OTUD3: variants seen among roughly 807,000 people sequenced by gnomAD.
OTUD3 encodes the protein OTU deubiquitinase 3, also known as OTU domain-containing protein 3.
Under a neutral mutation model 46.2 loss-of-function variants are expected in OTUD3, and 24 were observed. That is an observed-to-expected ratio of 0.52 (90% CI 0.38 to 0.73). The LOEUF (loss-of-function observed/expected upper bound fraction) is 0.73, where lower values mean the gene tolerates loss of function less well. Ranked by LOEUF, OTUD3 falls within the 30% of genes least tolerant of loss-of-function variation. The pLI, the probability that OTUD3 is intolerant of heterozygous loss-of-function variation, is 0.00. For synonymous variants in OTUD3, 189 were observed against 195.4 expected, an observed-to-expected ratio of 0.97 and a Z score of 0.27; for missense variants, 455 against 523.3, an observed-to-expected ratio of 0.87 and a Z score of 1.27.
chr1:19,897,445 T>C, intron 3 of OTUD3, 95 bp from the exon 4 acceptor site: 1 of 1,328,202 alleles, frequency 7.5e-7, no homozygotes, highest in East Asian at 2.4e-5. Context: ...ATAGACCTGC[T>C]GACTGGGCTT....
intron 2 of OTUD3, among the ~76,000 whole-genome samples, chr1:19,893,918 C>T (rs2045483868): frequency 6.6e-6 from 1 of 152,234 alleles, no homozygotes; most frequent in Non-Finnish European, 1.5e-5. Flanking sequence ...CACTGTGTAC[C>T]AGCTCTTTGA....
At chr1:19,898,917 C>A (rs2045552886) in intron 4 of OTUD3, among the ~76,000 whole-genome samples, 1 of 152,118 alleles carries the variant, frequency 6.6e-6, no homozygotes, top group African/African-American at 2.4e-5. Context: ...CTCCAGCGAT[C>A]TTCCCACCTT....
rs199687893 is a variant in OTUD3, at chr1:19,907,570, G to A, written c.1021G>A (p.Val341Ile). The A allele has an allele frequency of 1.6e-5, 26 of 1,613,840 alleles. No individual in the cohort carries two copies. In the Middle Eastern group the frequency reaches 5.0e-4, roughly 31 times the overall value. ...NKANKNQLAK[V>I]TNKQRREQQW... ...TCACCACCATGGCCTTCTCTCTCAGGTCACAAACAAACAGAGGCGAGAACA... is the reference window on the plus strand; with the variant it reads ...TCACCACCATGGCCTTCTCTCTCAGATCACAAACAAACAGAGGCGAGAACA... The change falls in exon 8 of 8, where the codon GTC becomes ATC. Residue 341 changes from valine to isoleucine, a missense_variant and splice_region_variant. Val to Ile is a conservative substitution (Grantham distance 29, BLOSUM62 3). Coordinates refer to ENST00000375120, the MANE Select transcript of OTUD3 (RefSeq NM_015207.2).
chr1:19,906,555 A>AC lies in OTUD3; in HGVS notation c.960dup (p.Asn321GlnfsTer2), dbSNP rs771244076. The AC allele has an allele frequency of 6.2e-7, 1 of 1,613,810 alleles. No homozygotes were observed. Among genetic ancestry groups the AC allele is most frequent in the Non-Finnish European group, 8.5e-7 (1 of 1,180,026 alleles). On this transcript the variant is annotated frameshift_variant, in exon 7 of 8. Transcript: ENST00000375120. LOFTEE classifies it high-confidence loss of function. ...GGCTTAAATGAAGGCAGGACCGAAA[A>AC]CAATAAGGCACAGGCCAGCCCTAGT...
intron 1 of OTUD3, among the ~76,000 whole-genome samples, chr1:19,889,303 A>C (rs77287853): frequency 1.3e-5 from 2 of 151,974 alleles, no homozygotes; most frequent in African/African-American, 4.8e-5. Flanking sequence ...AAAAAAAAAA[A>C]GTATATATTC....
At chr1:19,894,255 T>G in intron 2 of OTUD3, 113 bp from the exon 3 acceptor site, 1 of 591,928 alleles carries the variant, frequency 1.7e-6, no homozygotes, top group East Asian at 2.8e-5. Context: ...AATGGACTTC[T>G]CAGATATATA....
intron 2 of OTUD3, 53 bp from the exon 3 acceptor site, chr1:19,894,315 A>G (rs2045487909): frequency 1.0e-6 from 1 of 991,352 alleles, no homozygotes; most frequent in Non-Finnish European, 1.6e-6. Flanking sequence ...GCATGTTTGC[A>G]TTTAGATTTT....
chr1:19,882,479 T>A lies in OTUD3; in HGVS notation c.-35T>A. ...GCGGACGCTGGGGGGTCCTGCGCCT[T>A]TCCCTCCTGCCGCTGGGGACTGCAG... On this transcript the variant is annotated 5_prime_UTR_variant, in exon 1 of 8. Transcript: ENST00000375120. 2 of 1,344,670 alleles carry A rather than the reference T, an allele frequency of 1.5e-6. No homozygotes were observed. The highest frequency in any genetic ancestry group is 1.9e-6 in the Non-Finnish European group (2 of 1,053,466). 83.3% of individuals were successfully genotyped at this position (1,344,670 alleles called of 1,614,324 possible).
rs2045712992 is a variant in OTUD3 at position 19,909,921 on chromosome 1, C to CTAAAT, written c.*2177_*2178insAATTA. The CTAAAT allele has an allele frequency of 1.3e-5, 2 of 152,358 alleles. No individual in the cohort carries two copies. Among genetic ancestry groups the CTAAAT allele is most frequent in the Non-Finnish European group, 2.9e-5 (2 of 68,040 alleles). The allele number at this position is 152,358 out of a possible 1,614,324, so 9.4% of individuals were successfully genotyped here. ...TAATCAAACGGCTTTAGTAATTTTA[C>CTAAAT]TACTGGTTTCACAGCTTTTCAGTTA... is the stretch of plus-strand genomic sequence containing the variant. On this transcript the variant is annotated 3_prime_UTR_variant, in exon 8 of 8. Transcript: ENST00000375120.
chr1:19,906,522 G>A lies in OTUD3; in HGVS notation c.926G>A (p.Gly309Glu), dbSNP rs776138793. The change falls in exon 7 of 8, where the codon GGA becomes GAA. Residue 309 changes from glycine to glutamate, a missense_variant. By Grantham distance (98) the Gly-to-Glu change is moderately conservative (BLOSUM62 -2). Coordinates refer to ENST00000375120, the MANE Select transcript of OTUD3 (RefSeq NM_015207.2). Reference protein sequence around the residue: ...EEGGSGARIFGNQGLNEGRTE... With the variant: ...EEGGSGARIFENQGLNEGRTE... ...GGTGGCAGTGGTGCCAGAATCTTTGGAAATCAGGGCTTAAATGAAGGCAGG... is the reference window on the plus strand; with the variant it reads ...GGTGGCAGTGGTGCCAGAATCTTTGAAAATCAGGGCTTAAATGAAGGCAGG... 4 of 1,613,880 alleles carry A rather than the reference G, an allele frequency of 2.5e-6. No individual in the cohort carries two copies. Among genetic ancestry groups the A allele is most frequent in the Non-Finnish European group, 3.4e-6 (4 of 1,180,010 alleles).
chr1:19,890,694 C>G (rs1410146751), intron 2 of OTUD3, among the ~76,000 whole-genome samples, 161 bp downstream of exon 2: 1 of 152,100 alleles, frequency 6.6e-6, no homozygotes, highest in Non-Finnish European at 1.5e-5. Flanking sequence ...CGGCAGTATG[C>G]TAGGTAGTTG....
In OTUD3 at chr1:19,906,501, G is replaced by A. The variant is rs1223630841; in HGVS notation, c.905G>A (p.Gly302Asp). The A allele has an allele frequency of 1.2e-6, 2 of 1,614,092 alleles. No homozygotes were observed. The highest frequency in any genetic ancestry group is 3.3e-5 in the Admixed American group (2 of 60,014). ...TGTGGCCCTTTGTGGGAGGAGGGTG[G>A]CAGTGGTGCCAGAATCTTTGGAAAT... is the stretch of plus-strand genomic sequence containing the variant. Reference protein sequence around the residue: ...KQCGPLWEEGGSGARIFGNQG... With the variant: ...KQCGPLWEEGDSGARIFGNQG... The change falls in exon 7 of 8, where the codon GGC becomes GAC. Residue 302 changes from glycine to aspartate, a missense_variant. Gly to Asp is a moderately conservative substitution (Grantham distance 94). Coordinates refer to ENST00000375120, the MANE Select transcript of OTUD3 (RefSeq NM_015207.2).
Position 19,907,823 on chromosome 1 carries a change from C to A in OTUD3, c.*77C>A. 1 of 1,419,182 alleles carries A rather than the reference C, an allele frequency of 7.0e-7. No individual in the cohort carries two copies. Among genetic ancestry groups the A allele is most frequent in the Non-Finnish European group, 9.7e-7 (1 of 1,032,642 alleles). 87.9% of individuals were successfully genotyped at this position (1,419,182 alleles called of 1,614,324 possible). On this transcript the variant is annotated 3_prime_UTR_variant, in exon 8 of 8. Coordinates refer to ENST00000375120, the MANE Select transcript of OTUD3 (RefSeq NM_015207.2). ...TGCTAGACTTTCCAGTGAGGCCGTC[C>A]TTTTATAAAACGCAACACAACCAAC... is the stretch of plus-strand genomic sequence containing the variant.
At position 19,907,679 on chromosome 1, in the gene OTUD3, A is replaced by G. The variant is rs1183786718; in HGVS notation, c.1130A>G (p.Asn377Ser). 2 of 1,614,210 alleles carry G rather than the reference A, an allele frequency of 1.2e-6. No homozygotes were observed. Among genetic ancestry groups the G allele is most frequent in the Non-Finnish European group, 1.7e-6 (2 of 1,180,044 alleles). Residue 377 changes from asparagine to serine, a missense_variant, in exon 8 of 8, where the codon AAC (asparagine) becomes AGC (serine). Physicochemically the swap from Asn to Ser is conservative, Grantham distance 46 (BLOSUM62 1). Transcript: ENST00000375120. Reference protein sequence around the residue: ...LESRGSHRDNNRSEAEANTQV... With the variant: ...LESRGSHRDNSRSEAEANTQV... ...AGCAGAGGTAGCCACAGGGACAATAACAGAAGCGAAGCAGAGGCGAACACG... is the reference window on the plus strand; with the variant it reads ...AGCAGAGGTAGCCACAGGGACAATAGCAGAAGCGAAGCAGAGGCGAACACG...
intron 1 of OTUD3, among the ~76,000 whole-genome samples, chr1:19,882,983 G>A (rs1461320281): frequency 6.6e-6 from 1 of 152,260 alleles, no homozygotes; most frequent in African/African-American, 2.4e-5. Context: ...TAGAAAGTGG[G>A]TGCTGAGACC....
In OTUD3 at chr1:19,911,236, A is replaced by G. The variant is rs1240891062; in HGVS notation, c.*3490A>G. ...CTGTCTAGCCATGTTAAATCTTTAG[A>G]CTCAGTCTGATGCCGTTTTTCTGTT... On this transcript the variant is annotated 3_prime_UTR_variant, in exon 8 of 8. Transcript: ENST00000375120. 6.6e-6 allele frequency: 1 copy of G among 152,276 alleles called. No individual in the cohort carries two copies. Among genetic ancestry groups the G allele is most frequent in the South Asian group, 2.1e-4 (1 of 4,814 alleles). The allele number at this position is 152,276 out of a possible 1,614,324, so 9.4% of individuals were successfully genotyped here.
At chr1:19,905,999 G>A (rs2045656381) in intron 6 of OTUD3, among the ~76,000 whole-genome samples, 1 of 152,328 alleles carries the variant, frequency 6.6e-6, no homozygotes, top group Admixed American at 6.5e-5. Flanking sequence ...CCTGCCACAT[G>A]AGCAATGAGA....
intron 2 of OTUD3, among the ~76,000 whole-genome samples, chr1:19,891,650 T>A (rs1179082483): frequency 1.3e-5 from 2 of 152,090 alleles, no homozygotes; most frequent in Non-Finnish European, 2.9e-5. Flanking sequence ...AGTTTCTGCT[T>A]AGGGAATGGG....
At chr1:19,887,972 C>A (rs2045392185) in intron 1 of OTUD3, among the ~76,000 whole-genome samples, 1 of 152,198 alleles carries the variant, frequency 6.6e-6, no homozygotes, top group African/African-American at 2.4e-5. Flanking sequence ...GCACTCAAAA[C>A]ATTTGCGTGC....
Sources: gnomAD v4.1 joint callset for allele counts (sites outside exome capture counted in the v4.1 genomes callset) on GRCh38, gnomAD v4.1.1 for gene constraint, MANE v1.5 for transcripts, NCBI Gene and HGNC (gene_info 2026-07-23, HGNC 2026-07-21) for gene names.